Variants in EDAR observed in about 807,000 individuals in gnomAD.
EDAR encodes ectodysplasin A receptor, also known as tumor necrosis factor receptor superfamily member EDAR.
In EDAR, 38 loss-of-function variants were observed where a neutral mutation model predicts 51.3. That is an observed-to-expected ratio of 0.74 (90% CI 0.57 to 0.97). The LOEUF (loss-of-function observed/expected upper bound fraction) is 0.97. Ranked by LOEUF, EDAR falls within the 50% of genes least tolerant of loss-of-function variation. The pLI, the probability that EDAR is intolerant of heterozygous loss-of-function variation, is 0.00. For missense variants in EDAR, 528 were observed against 595.0 expected (o/e 0.89, Z 1.17); for synonymous variants, 227 against 242.1 (o/e 0.94, Z 0.58).
At chr2:108,915,891 C>T (rs1350151038) in intron 5 of EDAR, among the ~76,000 whole-genome samples, 1 of 151,526 alleles carries the variant, frequency 6.6e-6, no homozygotes, top group Admixed American at 6.6e-5. Context: ...GAGCGAAACT[C>T]CATCTCAAAA....
rs201494114 is a variant in EDAR at position 108,930,246 on chromosome 2, C to A, written c.52-4G>T. The stretch of plus-strand genomic sequence containing the variant: ...GGGCTGAGCACATCAGAGACACCTG[C>A]CAACAAAGGGGGGTGTTGTGGCCTC... On this transcript the variant is annotated splice_polypyrimidine_tract_variant and splice_region_variant and intron_variant, in intron 2 of 11. Transcript: ENST00000258443. The A allele has an allele frequency of 6.2e-7, 1 of 1,614,048 alleles. No individual in the cohort carries two copies. The highest frequency in any genetic ancestry group is 8.5e-7 in the Non-Finnish European group (1 of 1,179,986).
chr2:108,928,920 C>T (rs1280463401), intron 4 of EDAR, among the ~76,000 whole-genome samples: 4 of 152,220 alleles, frequency 2.6e-5, no homozygotes, highest in Non-Finnish European at 4.4e-5. Flanking sequence ...TGTAAGTATT[C>T]AAGCAATTTG....
intron 5 of EDAR, 121 bp from the exon 6 acceptor site, chr2:108,912,885 G>A (rs955925441): frequency 1.3e-6 from 1 of 783,482 alleles, no homozygotes; most frequent in African/African-American, 1.7e-5. Context: ...GATGGCTGAG[G>A]GGAGCTAAAT....
chr2:108,959,446 A>T (rs1697993250), intron 1 of EDAR, among the ~76,000 whole-genome samples: 1 of 152,264 alleles, frequency 6.6e-6, no homozygotes. Context: ...AACCCAGTTC[A>T]GGTCCTCCTG....
intron 1 of EDAR, among the ~76,000 whole-genome samples, chr2:108,988,462 C>T (rs1698533884): frequency 1.3e-5 from 2 of 152,188 alleles, no homozygotes; most frequent in African/African-American, 4.8e-5. Context: ...TCCCCCGCCA[C>T]CAACACAGAG....
chr2:108,985,426 G>A (rs1437007358), intron 1 of EDAR, among the ~76,000 whole-genome samples: 7 of 152,258 alleles, frequency 4.6e-5, no homozygotes, highest in African/African-American at 1.7e-4. Context: ...GCAGGGTGGT[G>A]CAGGCAGGGC....
chr2:108,975,504 A>T (rs987081005), intron 1 of EDAR, among the ~76,000 whole-genome samples: 5 of 152,212 alleles, frequency 3.3e-5, no homozygotes, highest in Admixed American at 6.5e-5. Context: ...AACCCGCGGT[A>T]GCTTGGTGAC....
chr2:108,918,192 C>T (rs981525966), intron 5 of EDAR, among the ~76,000 whole-genome samples: 14 of 152,298 alleles, frequency 9.2e-5, no homozygotes, highest in Non-Finnish European at 1.3e-4. Flanking sequence ...GGGTGGGGCG[C>T]GAGCCCTGGT....
intron 1 of EDAR, among the ~76,000 whole-genome samples, chr2:108,939,168 C>T (rs1449889158): frequency 1.3e-5 from 2 of 151,972 alleles, no homozygotes; most frequent in Non-Finnish European, 2.9e-5. Context: ...ACATGCCACT[C>T]ATCCTTCCAT....
intron 1 of EDAR, among the ~76,000 whole-genome samples, chr2:108,983,915 C>T (rs556697037): frequency 2.0e-5 from 3 of 152,302 alleles, no homozygotes; most frequent in Admixed American, 1.3e-4. Flanking sequence ...TCCCTCTCTC[C>T]AAGTGAGGAG....
chr2:108,959,558 C>G (rs1350535976), intron 1 of EDAR, among the ~76,000 whole-genome samples: 1 of 151,922 alleles, frequency 6.6e-6, no homozygotes, highest in Non-Finnish European at 1.5e-5. Context: ...TCCAAGGGAC[C>G]TGGTTCTCAC....
intron 1 of EDAR, among the ~76,000 whole-genome samples, chr2:108,982,187 G>C (rs905162396): frequency 6.6e-6 from 1 of 152,206 alleles, no homozygotes; most frequent in Non-Finnish European, 1.5e-5. Flanking sequence ...TCTAGAGCCC[G>C]TTGTCTTACA....
chr2:108,939,223 G>A (rs1442640009), intron 1 of EDAR, among the ~76,000 whole-genome samples: 1 of 151,940 alleles, frequency 6.6e-6, no homozygotes, highest in Admixed American at 6.6e-5. Flanking sequence ...TGTCACCCAG[G>A]CTACAGTGTA....
intron 3 of EDAR, 111 bp downstream of exon 3, chr2:108,930,009 T>C: frequency 7.4e-7 from 1 of 1,357,418 alleles, no homozygotes; most frequent in Non-Finnish European, 1.0e-6. Context: ...CCGGCTGGTT[T>C]GATATACCCT....
chr2:108,916,001 C>T (rs1048790234), intron 5 of EDAR, among the ~76,000 whole-genome samples: 2 of 152,150 alleles, frequency 1.3e-5, no homozygotes, highest in African/African-American at 4.8e-5. Flanking sequence ...GAGCGTTCCC[C>T]CTCACAGACC....
intron 1 of EDAR, among the ~76,000 whole-genome samples, chr2:108,932,528 CAAAAAAAAAA>C (rs1171012818): frequency 2.6e-5 from 1 of 39,122 alleles, no homozygotes; most frequent in East Asian, 7.9e-4. Context: ...GACTCTGTCT[CAAAAAAAAAA>C]AAAAAAAAAA....
intron 1 of EDAR, among the ~76,000 whole-genome samples, chr2:108,975,605 G>T (rs1183310649): frequency 1.3e-5 from 2 of 152,204 alleles, no homozygotes; most frequent in Admixed American, 1.3e-4. Flanking sequence ...CAGCAGCTTT[G>T]GGGAGGCAGC....
intron 11 of EDAR, among the ~76,000 whole-genome samples, chr2:108,899,667 T>C (rs1696663574): frequency 6.6e-6 from 1 of 152,182 alleles, no homozygotes. Context: ...AAGGTTTTTA[T>C]ACTTCATTCA....
intron 1 of EDAR, among the ~76,000 whole-genome samples, chr2:108,979,467 TCACACA>T (rs5833308): frequency 0.034 from 5,003 of 147,066 alleles, 271 homozygotes; most frequent in African/African-American, 0.1. Flanking sequence ...TCTCTCTCTC[TCACACA>T]CACACACACA....
Sources: allele counts gnomAD v4.1 joint callset (sites outside exome capture counted in the v4.1 genomes callset), GRCh38; gene constraint gnomAD v4.1.1; transcripts MANE v1.5; gene names NCBI Gene and HGNC (gene_info 2026-07-23, HGNC 2026-07-21).